Variants in CDKAL1 observed in about 807,000 individuals in gnomAD.
CDKAL1 encodes CDKAL1 threonylcarbamoyladenosine tRNA methylthiotransferase.
A neutral mutation model predicts 68.2 loss-of-function variants in CDKAL1; 32 were observed. That is an observed-to-expected ratio of 0.47 (90% CI 0.35 to 0.63). CDKAL1 has a LOEUF of 0.63. Ranked by LOEUF, CDKAL1 falls within the 30% of genes least tolerant of loss-of-function variation. CDKAL1 has a pLI of 0.00. For missense variants in CDKAL1, 606 were observed against 696.7 expected (o/e 0.87, Z 1.47); for synonymous variants, 234 against 244.3 (o/e 0.96, Z 0.39).
intron 10 of CDKAL1, among the ~76,000 whole-genome samples, chr6:20,958,989 C>G (rs1296638536): frequency 6.6e-6 from 1 of 152,194 alleles, no homozygotes. Context: ...GGGAAAGATA[C>G]ATCTATTGAG....
intron 12 of CDKAL1, among the ~76,000 whole-genome samples, chr6:21,100,725 A>G (rs1325258987): frequency 6.6e-6 from 1 of 152,000 alleles, no homozygotes; most frequent in Non-Finnish European, 1.5e-5. Context: ...ACTGTATTTC[A>G]CATCATTGAT....
chr6:21,157,930 T>C (rs1274486459), intron 13 of CDKAL1, among the ~76,000 whole-genome samples: 3 of 152,272 alleles, frequency 2.0e-5, no homozygotes, highest in Admixed American at 2.0e-4. Context: ...AGAGGCATTT[T>C]ATTTGTAATA....
At chr6:20,876,581 A>G (rs911936197) in intron 9 of CDKAL1, among the ~76,000 whole-genome samples, 1 of 152,138 alleles carries the variant, frequency 6.6e-6, no homozygotes, top group Non-Finnish European at 1.5e-5. Context: ...TTTATTCCTA[A>G]AACTTTTATT....
chr6:21,173,619 A>G (rs1777475010), intron 13 of CDKAL1, among the ~76,000 whole-genome samples: 1 of 152,226 alleles, frequency 6.6e-6, no homozygotes, highest in Non-Finnish European at 1.5e-5. Flanking sequence ...GACCTGTGCT[A>G]GGTAGTGGGG....
At chr6:20,991,600 G>A (rs573455678) in intron 10 of CDKAL1, among the ~76,000 whole-genome samples, 3 of 150,990 alleles carry the variant, frequency 2.0e-5, no homozygotes, top group Non-Finnish European at 2.9e-5. Context: ...CCAGCTACTC[G>A]AGAGGCTGAG....
intron 4 of CDKAL1, among the ~76,000 whole-genome samples, chr6:20,630,338 C>T (rs768708390): frequency 3.3e-5 from 5 of 152,222 alleles, no homozygotes; most frequent in Non-Finnish European, 5.9e-5. Flanking sequence ...GCTCTGATCA[C>T]GTTTCCTAAG....
At chr6:20,594,861 G>C (rs67121595) in intron 4 of CDKAL1, among the ~76,000 whole-genome samples, 52,181 of 152,018 alleles carry the variant, frequency 0.34, 9,440 homozygotes, top group East Asian at 0.53. Flanking sequence ...AGGAACTCTA[G>C]TAAGGCAGGC....
intron 9 of CDKAL1, among the ~76,000 whole-genome samples, chr6:20,919,313 G>A (rs371964488): frequency 6.6e-6 from 1 of 152,158 alleles, no homozygotes; most frequent in East Asian, 1.9e-4. Flanking sequence ...CACCATATTT[G>A]TTTGCTAAAT....
At chr6:20,984,798 A>C (rs1766354108) in intron 10 of CDKAL1, among the ~76,000 whole-genome samples, 1 of 95,938 alleles carries the variant, frequency 1.0e-5, no homozygotes, top group African/African-American at 4.2e-5. Context: ...TGGGGTTTTT[A>C]TGGGCACAGT....
chr6:21,165,508 A>G (rs1415005719), intron 13 of CDKAL1, among the ~76,000 whole-genome samples: 4 of 152,196 alleles, frequency 2.6e-5, no homozygotes, highest in Admixed American at 6.5e-5. Context: ...AAATCTTTAT[A>G]ATTATCCATC....
intron 13 of CDKAL1, among the ~76,000 whole-genome samples, chr6:21,170,080 A>G (rs930230559): frequency 1.1e-4 from 16 of 152,262 alleles, no homozygotes; most frequent in African/African-American, 3.8e-4. Context: ...CAAAGTAATG[A>G]TGAAGACAGC....
intron 14 of CDKAL1, 82 bp from the exon 15 acceptor site, chr6:21,201,028 C>T: frequency 2.3e-6 from 3 of 1,293,858 alleles, no homozygotes; most frequent in South Asian, 1.5e-5. Context: ...ACTATCTTTG[C>T]AATAATTCTA....
At chr6:20,564,712 T>G (rs1441991933) in intron 4 of CDKAL1, among the ~76,000 whole-genome samples, 1 of 152,212 alleles carries the variant, frequency 6.6e-6, no homozygotes, top group African/African-American at 2.4e-5. Context: ...ACCATTAAAT[T>G]TTTTAAGCCT....
intron 9 of CDKAL1, among the ~76,000 whole-genome samples, chr6:20,898,408 G>A (rs1401322210): frequency 6.7e-6 from 1 of 149,242 alleles, no homozygotes; most frequent in Non-Finnish European, 1.5e-5. Context: ...TGAATGAGAT[G>A]TGTAGGCATG....
At chr6:21,168,223 C>T (rs1188886926) in intron 13 of CDKAL1, among the ~76,000 whole-genome samples, 2 of 152,276 alleles carry the variant, frequency 1.3e-5, no homozygotes, top group Non-Finnish European at 2.9e-5. Context: ...CCTCAAACAC[C>T]GTTGTGCCCA....
chr6:21,060,517 T>A (rs1771085066), intron 11 of CDKAL1, among the ~76,000 whole-genome samples: 1 of 152,128 alleles, frequency 6.6e-6, no homozygotes, highest in African/African-American at 2.4e-5. Context: ...TTCTCTATTT[T>A]CTATTTCATT....
intron 9 of CDKAL1, among the ~76,000 whole-genome samples, chr6:20,948,913 A>G (rs1764390151): frequency 6.6e-6 from 1 of 152,214 alleles, no homozygotes; most frequent in Non-Finnish European, 1.5e-5. Flanking sequence ...TGAACTTTCC[A>G]TTATTTCCAA....
At chr6:21,137,588 G>A (rs750497036) in intron 13 of CDKAL1, among the ~76,000 whole-genome samples, 4 of 152,224 alleles carry the variant, frequency 2.6e-5, no homozygotes, top group Non-Finnish European at 5.9e-5. Flanking sequence ...AGTAAAACAC[G>A]TATAGAATGG....
At chr6:21,151,443 C>CTG (rs1279395835) in intron 13 of CDKAL1, among the ~76,000 whole-genome samples, 1 of 152,078 alleles carries the variant, frequency 6.6e-6, no homozygotes, top group African/African-American at 2.4e-5. Context: ...AGAAATGACT[C>CTG]TGTGTTCAGC....
Sources: gnomAD v4.1 joint callset for allele counts (sites outside exome capture counted in the v4.1 genomes callset) on GRCh38, gnomAD v4.1.1 for gene constraint, MANE v1.5 for transcripts, NCBI Gene and HGNC (gene_info 2026-07-23, HGNC 2026-07-21) for gene names.